SPPL2A: variants seen among roughly 807,000 people sequenced by gnomAD.
SPPL2A encodes the protein signal peptide peptidase-like 2A.
In SPPL2A, 51 loss-of-function variants were observed where a neutral mutation model predicts 63.8. The ratio of observed to expected loss-of-function variants is 0.80; its 90% CI spans 0.64 to 1.01. The LOEUF (loss-of-function observed/expected upper bound fraction) is 1.01. SPPL2A is among the 50% of genes least tolerant of loss of function. The pLI is 0.00. For missense variants in SPPL2A, 553 were observed against 622.7 expected, an observed-to-expected ratio of 0.89 and a Z score of 1.19; for synonymous variants, 188 against 205.8, an observed-to-expected ratio of 0.91 and a Z score of 0.74.
chr15:50,717,502 C>T (rs2062607059), intron 14 of SPPL2A, among the ~76,000 whole-genome samples: 1 of 152,084 alleles, frequency 6.6e-6, no homozygotes, highest in South Asian at 2.1e-4. Context: ...AATAATTGTC[C>T]CCAGTTTTGC....
At chr15:50,730,583 G>A (rs767827872) in intron 10 of SPPL2A, among the ~76,000 whole-genome samples, 2 of 152,126 alleles carry the variant, frequency 1.3e-5, no homozygotes, top group Non-Finnish European at 1.5e-5. Context: ...ATGGTTGCAA[G>A]GTTACAGAGC....
Position 50,706,874 on chromosome 15 carries a change from C to G in SPPL2A, c.*926G>C, listed in dbSNP as rs535180333. ...GTCTGTCTCCTTTTAGTGACTAGTT[C>G]TATATATTATGTTTCTCTATATCTG... is the stretch of plus-strand genomic sequence containing the variant. On this transcript the variant is annotated 3_prime_UTR_variant, in exon 15 of 15. Coordinates refer to ENST00000261854, the MANE Select transcript of SPPL2A (RefSeq NM_032802.4). 2.2e-4 allele frequency: 33 copies of G among 151,790 alleles called. 1 individual carries two copies. In the South Asian group the frequency reaches 6.0e-3, roughly 28 times the overall value. The allele number at this position is 151,790 out of a possible 1,614,324, so 9.4% of individuals were successfully genotyped here. A position where few individuals can be genotyped will look rare whatever the true frequency, so the allele number is the denominator to read the frequency against.
intron 14 of SPPL2A, among the ~76,000 whole-genome samples, chr15:50,714,734 G>C (rs577399596): frequency 0.095 from 14,467 of 151,922 alleles, 751 homozygotes; most frequent in South Asian, 0.15. Context: ...CCTGAGGTCA[G>C]AAGTTCAGGA....
intron 14 of SPPL2A, among the ~76,000 whole-genome samples, chr15:50,712,896 A>T (rs2141018976): frequency 6.6e-6 from 1 of 152,050 alleles, no homozygotes; most frequent in African/African-American, 2.4e-5. Flanking sequence ...CATGTTGGTC[A>T]GGCTGTCTCA....
At chr15:50,724,348 G>A (rs931000066) in intron 12 of SPPL2A, among the ~76,000 whole-genome samples, 2 of 152,050 alleles carry the variant, frequency 1.3e-5, no homozygotes, top group Admixed American at 6.6e-5. Flanking sequence ...AGGCCGAAGC[G>A]GGCAGATCAC....
At chr15:50,708,021 AT>A in intron 14 of SPPL2A, 147 bp from the exon 15 acceptor site, 1 of 622,804 alleles carries the variant, frequency 1.6e-6, no homozygotes, top group Non-Finnish European at 2.9e-6. Context: ...CTGGTTCAAC[AT>A]CCACACTTCT....
At chr15:50,716,152 T>A (rs2062597314) in intron 14 of SPPL2A, among the ~76,000 whole-genome samples, 1 of 152,158 alleles carries the variant, frequency 6.6e-6, no homozygotes, top group South Asian at 2.1e-4. Flanking sequence ...TCTTGTATTT[T>A]TAAAAAATAT....
At chr15:50,747,968 T>C in intron 4 of SPPL2A, 145 bp downstream of exon 4, 1 of 463,678 alleles carries the variant, frequency 2.2e-6, no homozygotes, top group East Asian at 3.7e-5. Flanking sequence ...GAGAGATGAG[T>C]ACTTTCCAAA....
intron 1 of SPPL2A, among the ~76,000 whole-genome samples, chr15:50,751,844 T>A (rs533720435): frequency 1.1e-4 from 16 of 152,326 alleles, no homozygotes; most frequent in African/African-American, 3.6e-4. Flanking sequence ...TTTTTTTGTT[T>A]GAGACGGAGT....
intron 12 of SPPL2A, 97 bp from the exon 13 acceptor site, chr15:50,722,298 T>C (rs1017149537): frequency 1.2e-5 from 8 of 685,118 alleles, no homozygotes; most frequent in African/African-American, 7.2e-5. Flanking sequence ...TGAATCTTCA[T>C]TGTTGCATTA....
rs1337037636 is a variant in SPPL2A at position 50,702,933 on chromosome 15, C to G, written c.*4867G>C. 6.6e-6 allele frequency: 1 copy of G among 152,014 alleles called. No individual in the cohort carries two copies. The highest frequency in any genetic ancestry group is 1.9e-4 in the East Asian group (1 of 5,196). 9.4% of individuals were successfully genotyped at this position (152,014 alleles called of 1,614,324 possible). On this transcript the variant is annotated 3_prime_UTR_variant, in exon 15 of 15. Coordinates refer to ENST00000261854, the MANE Select transcript of SPPL2A (RefSeq NM_032802.4). ...TTTTTCACTCTGAAAATTCAGTAAT[C>G]TAGCATATGAGTATTACAGTAGAGG... is the stretch of plus-strand genomic sequence containing the variant.
At chr15:50,715,287 C>T (rs867121067) in intron 14 of SPPL2A, among the ~76,000 whole-genome samples, 6 of 151,982 alleles carry the variant, frequency 3.9e-5, no homozygotes, top group African/African-American at 1.2e-4. Flanking sequence ...TGTGAGCCAC[C>T]GCTCCCGGCC....
At chr15:50,745,637 T>A (rs1387674425) in intron 5 of SPPL2A, among the ~76,000 whole-genome samples, 2 of 148,684 alleles carry the variant, frequency 1.3e-5, no homozygotes, top group African/African-American at 5.0e-5. Flanking sequence ...AACCTGAAAC[T>A]CCTGGGTTCA....
chr15:50,740,504 A>G (rs1235708358), intron 5 of SPPL2A, among the ~76,000 whole-genome samples: 1 of 151,938 alleles, frequency 6.6e-6, no homozygotes, highest in African/African-American at 2.4e-5. Context: ...GGATGTTTAT[A>G]TTACCTAATT....
chr15:50,720,748 G>C (rs925334012), intron 13 of SPPL2A, among the ~76,000 whole-genome samples: 3 of 151,938 alleles, frequency 2.0e-5, no homozygotes. Context: ...TCAAACTCCC[G>C]ACCTCAGGTG....
In SPPL2A at chr15:50,765,664, A is replaced by T; in HGVS notation, c.-131T>A. 2.0e-6 allele frequency: 1 copy of T among 499,438 alleles called. No individual in the cohort carries two copies. The highest frequency in any genetic ancestry group is 3.2e-6 in the Non-Finnish European group (1 of 313,180). 30.9% of individuals were successfully genotyped at this position (499,438 alleles called of 1,614,324 possible). A position where few individuals can be genotyped will look rare whatever the true frequency, so the allele number is the denominator to read the frequency against. ...GACAGGCGCGGGCGGCCGGGCTACGACTGGACCGCCGCTGCTACAGCGGCC... is the reference window on the plus strand; with the variant it reads ...GACAGGCGCGGGCGGCCGGGCTACGTCTGGACCGCCGCTGCTACAGCGGCC... On this transcript the variant is annotated 5_prime_UTR_variant, in exon 1 of 15. Transcript: ENST00000261854.
At chr15:50,709,463 T>C (rs2062539840) in intron 14 of SPPL2A, among the ~76,000 whole-genome samples, 1 of 152,184 alleles carries the variant, frequency 6.6e-6, no homozygotes, top group South Asian at 2.1e-4. Context: ...GGCTTTTGGC[T>C]GACAACTGTC....
At chr15:50,743,610 G>A (rs1377830954) in intron 5 of SPPL2A, among the ~76,000 whole-genome samples, 5 of 152,036 alleles carry the variant, frequency 3.3e-5, no homozygotes, top group African/African-American at 1.2e-4. Flanking sequence ...GCCTTCCAAA[G>A]TGCTGGGATT....
chr15:50,729,054 TCCACC>T (rs1478011343), intron 10 of SPPL2A, among the ~76,000 whole-genome samples: 3 of 151,620 alleles, frequency 2.0e-5, no homozygotes, highest in African/African-American at 7.3e-5. Context: ...CCTCAAGTGA[TCCACC>T]CGCCTTGGCC....
Sources: allele counts gnomAD v4.1 joint callset (sites outside exome capture counted in the v4.1 genomes callset), GRCh38; gene constraint gnomAD v4.1.1; transcripts MANE v1.5; gene names NCBI Gene and HGNC (gene_info 2026-07-23, HGNC 2026-07-21).